Variants in STXBP4 observed in about 807,000 individuals in gnomAD.
The protein encoded by STXBP4 is syntaxin-binding protein 4.
A neutral mutation model predicts 76.1 loss-of-function variants in STXBP4; 55 were observed. The ratio of observed to expected loss-of-function variants is 0.72; its 90% CI spans 0.58 to 0.91. The LOEUF (loss-of-function observed/expected upper bound fraction) is 0.91. Ranked by LOEUF, STXBP4 falls within the 40% of genes least tolerant of loss-of-function variation. The probability of loss-of-function intolerance (pLI) is 0.00; values close to 1 mark genes in which losing one functional copy is unlikely to be tolerated. For synonymous variants in STXBP4, 201 were observed against 220.2 expected (o/e 0.91, Z 0.77); for missense variants, 618 against 636.9 (o/e 0.97, Z 0.32).
intron 16 of STXBP4, among the ~76,000 whole-genome samples, chr17:55,136,425 A>C (rs907847481): frequency 3.3e-5 from 5 of 152,142 alleles, no homozygotes; most frequent in Non-Finnish European, 5.9e-5. Context: ...AAATATTTAA[A>C]CTGAAAATTA....
Position 55,119,903 on chromosome 17 carries a change from A to C in STXBP4, c.1490-21407A>C, listed in dbSNP as rs960675028. Among the ~76,000 whole-genome samples the C allele has an allele frequency of 4.6e-5, 7 of 152,198 alleles. No homozygotes were observed. In the East Asian group the frequency reaches 1.2e-3, roughly 25 times the overall value. On this transcript the variant is annotated intron_variant, in intron 16 of 17. Transcript: ENST00000376352. ...TTTGGATATTTTGAATTTTCTAACC[A>C]TATGCATATTGTGTTTCTATAGCTA...
rs148294606 is a variant in STXBP4, at chr17:55,015,141, C to T, written c.666+7544C>T. Among the ~76,000 whole-genome samples the T allele has an allele frequency of 4.8e-3, 733 of 152,228 alleles. 7 individuals are homozygous for T. Among genetic ancestry groups the T allele is most frequent in the African/African-American group, 0.013 (524 of 41,524 alleles). ...ACAGAGAGGTATGCTTTCTCAATGC[C>T]TCCCTTAGTCTCTCCAGAAAGGCGG... On this transcript the variant is annotated intron_variant, in intron 8 of 17. Transcript: ENST00000376352.
chr17:55,150,649 G>A (rs2080205805), intron 17 of STXBP4, among the ~76,000 whole-genome samples: 2 of 152,116 alleles, frequency 1.3e-5, no homozygotes, highest in South Asian at 4.2e-4. Flanking sequence ...TATTTTTCAT[G>A]CTAAACGTTT....
At chr17:55,079,970 A>G (rs2079235941) in intron 15 of STXBP4, among the ~76,000 whole-genome samples, 3 of 152,196 alleles carry the variant, frequency 2.0e-5, no homozygotes, top group African/African-American at 4.8e-5. Context: ...TTATGATACA[A>G]GAAAACTCTG....
chr17:55,062,921 T>C (rs1405693856), intron 12 of STXBP4, among the ~76,000 whole-genome samples: 2 of 152,230 alleles, frequency 1.3e-5, no homozygotes, highest in Admixed American at 1.3e-4. Context: ...AAAATCTCTT[T>C]GAGAAAAGAA....
At chr17:55,025,370 A>G (rs2078392922) in intron 8 of STXBP4, among the ~76,000 whole-genome samples, 1 of 152,302 alleles carries the variant, frequency 6.6e-6, no homozygotes, top group South Asian at 2.1e-4. Flanking sequence ...TGAATTAGTA[A>G]TCAAAAAAAC....
chr17:55,162,491 T>C lies in STXBP4; in HGVS notation c.*2580T>C, dbSNP rs1428341056. ...CAAAATATTTATTGAGCACCAACAA[T>C]GTCACAAGCACTGTGCTAAACACTG... On this transcript the variant is annotated 3_prime_UTR_variant, in exon 18 of 18. Coordinates refer to ENST00000376352, the MANE Select transcript of STXBP4 (RefSeq NM_178509.6). 1 of 152,002 alleles carries C rather than the reference T, an allele frequency of 6.6e-6. No homozygotes were observed. Among genetic ancestry groups the C allele is most frequent in the East Asian group, 1.9e-4 (1 of 5,188 alleles). 9.4% of individuals were successfully genotyped at this position (152,002 alleles called of 1,614,324 possible).
rs567479958 is a variant in STXBP4 at position 55,072,568 on chromosome 17, G to A, written c.1012-332G>A. Among the ~76,000 whole-genome samples the A allele has an allele frequency of 2.9e-4, 44 of 152,142 alleles. 1 individual carries two copies. Among genetic ancestry groups the A allele is most frequent in the Middle Eastern group, 6.8e-3 (2 of 294 alleles). On this transcript the variant is annotated intron_variant, in intron 12 of 17. Coordinates refer to ENST00000376352, the MANE Select transcript of STXBP4 (RefSeq NM_178509.6). The stretch of plus-strand genomic sequence containing the variant: ...GAGTCCTACTACCTACTTGAGTTTT[G>A]TTGTAGCCTACTCTTTTTATCTTTT...
intron 12 of STXBP4, among the ~76,000 whole-genome samples, chr17:55,067,573 GGTA>G (rs2079069423): frequency 6.6e-6 from 1 of 152,150 alleles, no homozygotes; most frequent in African/African-American, 2.4e-5. Flanking sequence ...ATTTGGAATA[GGTA>G]GTAGAGAACT....
At chr17:55,204,307 A>G in the STXBP4 span, among the ~76,000 whole-genome samples, 2 of 152,034 alleles carry the variant, frequency 1.3e-5, no homozygotes, top group South Asian at 4.1e-4. Flanking sequence ...TTCTCTGCTT[A>G]AATTCTCCAT....
intron 6 of STXBP4, 135 bp downstream of exon 6, chr17:54,999,977 T>C (rs2077881592): frequency 3.7e-6 from 3 of 812,256 alleles, no homozygotes; most frequent in East Asian, 2.8e-5. Flanking sequence ...AAGATTTTTT[T>C]CTATTTAAAA....
chr17:55,094,921 A>G (rs948696666), intron 16 of STXBP4, among the ~76,000 whole-genome samples: 5 of 152,206 alleles, frequency 3.3e-5, no homozygotes, highest in African/African-American at 1.2e-4. Flanking sequence ...CAAAGCTCCC[A>G]CATATTGTGA....
chr17:54,992,668 A>G (rs960923255), intron 4 of STXBP4, among the ~76,000 whole-genome samples: 4 of 150,324 alleles, frequency 2.7e-5, no homozygotes, highest in Non-Finnish European at 4.4e-5. Flanking sequence ...ATGCAATAGT[A>G]GATCAGGGTA....
chr17:55,124,802 G>A (rs1170792503), intron 16 of STXBP4, among the ~76,000 whole-genome samples: 1 of 152,212 alleles, frequency 6.6e-6, no homozygotes, highest in Non-Finnish European at 1.5e-5. Flanking sequence ...TGGTGGAAAA[G>A]TAAGCGTAAG....
chr17:55,159,111 G>A (rs1006482950), intron 17 of STXBP4, among the ~76,000 whole-genome samples: 2 of 152,090 alleles, frequency 1.3e-5, no homozygotes, highest in Admixed American at 1.3e-4. Context: ...CAGATGTGGT[G>A]GTGCGCACCT....
chr17:55,202,501 A>T, the STXBP4 span, among the ~76,000 whole-genome samples: 1 of 152,204 alleles, frequency 6.6e-6, no homozygotes, highest in South Asian at 2.1e-4. Flanking sequence ...AACCAGTATG[A>T]CACTGCACAT....
chr17:55,091,689 T>C (rs1354333666), intron 16 of STXBP4, among the ~76,000 whole-genome samples: 2 of 152,226 alleles, frequency 1.3e-5, no homozygotes, highest in African/African-American at 4.8e-5. Context: ...CAACCACAGA[T>C]TGTCCACATG....
chr17:55,111,218 A>G (rs1486460095), intron 16 of STXBP4, among the ~76,000 whole-genome samples: 5 of 152,096 alleles, frequency 3.3e-5, no homozygotes, highest in Middle Eastern at 3.2e-3. Flanking sequence ...CTCTCCAATC[A>G]TTTCCAATTA....
At chr17:55,028,466 T>C (rs1423760628) in intron 8 of STXBP4, among the ~76,000 whole-genome samples, 1 of 152,174 alleles carries the variant, frequency 6.6e-6, no homozygotes, top group Non-Finnish European at 1.5e-5. Flanking sequence ...ATAGGTACTA[T>C]ATTCATAGAA....
Sources: allele counts gnomAD v4.1 joint callset (sites outside exome capture counted in the v4.1 genomes callset), GRCh38; gene constraint gnomAD v4.1.1; transcripts MANE v1.5; gene names NCBI Gene and HGNC (gene_info 2026-07-23, HGNC 2026-07-21).